The following LPIN1 variants were observed in gnomAD, a reference collection of about 807,000 sequenced individuals.
The protein encoded by LPIN1 is phosphatidate phosphatase LPIN1.
A neutral mutation model predicts 107.5 loss-of-function variants in LPIN1; 71 were observed. The observed-to-expected ratio is 0.66, with a 90% CI of 0.55 to 0.80. The LOEUF (loss-of-function observed/expected upper bound fraction) is 0.80, where lower values mean the gene tolerates loss of function less well. Ranked by LOEUF, LPIN1 falls within the 30% of genes least tolerant of loss-of-function variation. The pLI, the probability that LPIN1 is intolerant of heterozygous loss-of-function variation, is 0.00. For missense variants in LPIN1, 1,043 were observed against 1,160.6 expected (o/e 0.90, Z 1.47); for synonymous variants, 445 against 452.6 (o/e 0.98, Z 0.21).
chr2:11,732,584 T>C (rs986397909), intron 1 of LPIN1, among the ~76,000 whole-genome samples: 1 of 152,234 alleles, frequency 6.6e-6, no homozygotes, highest in Non-Finnish European at 1.5e-5. Context: ...GGTTTGGAAA[T>C]ACCTATTCCA....
At chr2:11,737,538 GA>G (rs1217747418) in intron 1 of LPIN1, among the ~76,000 whole-genome samples, 2 of 151,992 alleles carry the variant, frequency 1.3e-5, no homozygotes, top group Non-Finnish European at 2.9e-5. Context: ...AAATTTACAA[GA>G]AAAAAACCAA....
chr2:11,691,554 C>G (rs959860586), intron 1 of LPIN1, among the ~76,000 whole-genome samples: 1 of 152,204 alleles, frequency 6.6e-6, no homozygotes, highest in African/African-American at 2.4e-5. Flanking sequence ...GCTCCATTCA[C>G]CATGCACACT....
In LPIN1 at chr2:11,759,351, C is replaced by T. The variant is rs181404693; in HGVS notation, c.-9-6182C>T. On this transcript the variant is annotated intron_variant, in intron 1 of 20. Transcript: ENST00000674199. ...GGGGCCTTCCGCAGTGTTTGTGTCC[C>T]TGGGTACTTGAGATTAGGGAGTGGT... is the stretch of plus-strand genomic sequence containing the variant. Among the ~76,000 whole-genome samples the T allele has an allele frequency of 6.2e-3, 945 of 152,066 alleles. 18 individuals carry two copies. The highest frequency in any genetic ancestry group is 0.022 in the African/African-American group (910 of 41,494).
chr2:11,772,061 A>G (rs2148635010), intron 4 of LPIN1, among the ~76,000 whole-genome samples: 1 of 152,296 alleles, frequency 6.6e-6, no homozygotes, highest in South Asian at 2.1e-4. Flanking sequence ...TTAGATTCTC[A>G]CAAGGAGTGC....
intron 10 of LPIN1, among the ~76,000 whole-genome samples, chr2:11,785,552 C>T (rs1674412362): frequency 6.6e-6 from 1 of 152,180 alleles, no homozygotes; most frequent in Non-Finnish European, 1.5e-5. Flanking sequence ...CTCCCAGGGC[C>T]TCCTGACAGT....
chr2:11,710,470 C>T (rs1225614042), intron 1 of LPIN1, among the ~76,000 whole-genome samples: 1 of 151,738 alleles, frequency 6.6e-6, no homozygotes, highest in Non-Finnish European at 1.5e-5. Flanking sequence ...AGGACCTGAA[C>T]AGTCATACAG....
chr2:11,698,095 C>G (rs78608570), intron 1 of LPIN1, among the ~76,000 whole-genome samples: 2 of 152,314 alleles, frequency 1.3e-5, no homozygotes, highest in African/African-American at 2.4e-5. Context: ...CCTGATCCTG[C>G]TGGGATGTTG....
At chr2:11,815,057 C>T (rs1047119993) in intron 17 of LPIN1, 31 bp from the exon 18 acceptor site, 4 of 1,606,664 alleles carry the variant, frequency 2.5e-6, no homozygotes, top group Non-Finnish European at 3.4e-6. Flanking sequence ...TTTTCTGATG[C>T]CATGAAATGT....
intron 2 of LPIN1, chr2:11,741,439 C>T: frequency 6.5e-7 from 1 of 1,537,246 alleles, no homozygotes; most frequent in South Asian, 1.2e-5. Context: ...GTAAGCACTG[C>T]TGTTCAGTAG....
chr2:11,718,441 G>A (rs535943433), intron 2 of LPIN1, among the ~76,000 whole-genome samples: 2 of 152,290 alleles, frequency 1.3e-5, no homozygotes, highest in East Asian at 3.9e-4. Flanking sequence ...ATGTTGGTCA[G>A]GCTGGTCTCA....
chr2:11,803,149 G>A lies in LPIN1; in HGVS notation c.2013+116G>A. 3 of 1,425,832 alleles carry A rather than the reference G, an allele frequency of 2.1e-6. No homozygotes were observed. The highest frequency in any genetic ancestry group is 2.0e-6 in the Non-Finnish European group (2 of 1,023,284). 88.3% of individuals were successfully genotyped at this position (1,425,832 alleles called of 1,614,324 possible). Reference sequence around the variant, plus strand: ...TACTTGTCACCTTTCATCCCAGGGGGCCTGCAATCCCTCAACTGGGTACCC... The same window carrying A: ...TACTTGTCACCTTTCATCCCAGGGGACCTGCAATCCCTCAACTGGGTACCC... On this transcript the variant is annotated intron_variant, in intron 15 of 20. Coordinates refer to ENST00000674199, the MANE Select transcript of LPIN1 (RefSeq NM_001349206.2). The surrounding 1 kb of genome is among the most constrained non-coding windows in gnomAD (Gnocchi z 4.2).
chr2:11,708,812 GTGA>G lies in LPIN1; in HGVS notation c.82-4932_82-4930del, dbSNP rs1387212443. 5.3e-5 allele frequency among the ~76,000 whole-genome samples: 8 copies of G among 152,150 alleles called. No homozygotes were observed. The East Asian group carries it at 9.6e-4, about 18-fold the overall frequency. ...CACCTCTCAATGGGAGGAAGGGAAG[GTGA>G]TGATGATGATGTTGGTGATGATGAT... On this transcript the variant is annotated intron_variant, in intron 1 of 21. Coordinates refer to the LPIN1 transcript ENST00000449576.
At chr2:11,696,602 A>G (rs1024367895) in intron 1 of LPIN1, among the ~76,000 whole-genome samples, 4 of 152,140 alleles carry the variant, frequency 2.6e-5, no homozygotes, top group African/African-American at 9.7e-5. Flanking sequence ...GCTGGCGAGC[A>G]AGGTGTCTGT....
At chr2:11,813,019 G>T (rs749252288) in intron 17 of LPIN1, among the ~76,000 whole-genome samples, 1 of 152,160 alleles carries the variant, frequency 6.6e-6, no homozygotes, top group Non-Finnish European at 1.5e-5. Context: ...GGTTAGGAGA[G>T]TGCCACTTGC....
rs138607188 is a variant in LPIN1, at chr2:11,701,938, C to T, written c.82-11818C>T. On this transcript the variant is annotated intron_variant, in intron 1 of 21. Transcript: ENST00000449576. ...GAACTATTCTGTCTAATCCCTCCTG[C>T]GTATGTCAACTTTCTGACGTCATTG... is the stretch of plus-strand genomic sequence containing the variant. Among the ~76,000 whole-genome samples, 13 of 152,314 alleles carry T rather than the reference C, an allele frequency of 8.5e-5. No homozygotes were observed. In the East Asian group the frequency reaches 2.3e-3, roughly 27 times the overall value.
Position 11,784,839 on chromosome 2 carries a change from A to G in LPIN1, c.1359-47A>G, listed in dbSNP as rs992045944. The G allele has an allele frequency of 1.9e-6, 3 of 1,594,394 alleles. No individual in the cohort carries two copies. The African/African-American group carries it at 4.0e-5, about 21-fold the overall frequency. On this transcript the variant is annotated intron_variant, in intron 9 of 20. Transcript: ENST00000674199. ...CACTGGATGGTGATGTAGGACCCTG[A>G]ACTGGGACAGTCCTCAGCCGGTCTC...
At chr2:11,775,988 ATATAAAGTATATTACATATACTT>A (rs1672617768) in intron 5 of LPIN1, 75 bp from the exon 6 acceptor site, 1 of 342,090 alleles carries the variant, frequency 2.9e-6, no homozygotes, top group South Asian at 6.5e-5. Context: ...TATAATCTTT[ATATAAAGTATATTACATATACTT>A]TATATAATCT....
At chr2:11,770,218 C>T (rs1671619951) in intron 3 of LPIN1, among the ~76,000 whole-genome samples, 2 of 152,188 alleles carry the variant, frequency 1.3e-5, no homozygotes, top group Admixed American at 1.3e-4. Context: ...TGCAGCGGGA[C>T]CTGTATGGGG....
intron 17 of LPIN1, among the ~76,000 whole-genome samples, chr2:11,809,453 G>A (rs1679280563): frequency 6.6e-6 from 1 of 151,962 alleles, no homozygotes; most frequent in Admixed American, 6.6e-5. Flanking sequence ...TTTTGCTCTT[G>A]TTGTCCAGGC....
Sources: gnomAD v4.1 joint callset for allele counts (sites outside exome capture counted in the v4.1 genomes callset) on GRCh38, gnomAD v4.1.1 for gene constraint, Gnocchi (gnomAD v3.1) non-coding constraint, MANE v1.5 for transcripts, NCBI Gene and HGNC (gene_info 2026-07-23, HGNC 2026-07-21) for gene names.